The following DPP6 variants were observed in gnomAD, a reference collection of about 807,000 sequenced individuals.
The protein encoded by DPP6 is A-type potassium channel modulatory protein DPP6.
In DPP6, 69 loss-of-function variants were observed where a neutral mutation model predicts 122.6. The ratio of observed to expected loss-of-function variants is 0.56; its 90% confidence interval spans 0.46 to 0.69. DPP6 has a LOEUF of 0.69. Ranked by LOEUF, DPP6 falls within the 30% of genes least tolerant of loss-of-function variation. The pLI is 0.00. For missense variants in DPP6, 928 were observed against 1,116.9 expected (o/e 0.83, Z 2.41); for synonymous variants, 418 against 433.1 (o/e 0.97, Z 0.43).
chr7:154,375,977 C>A lies in DPP6; in HGVS notation c.244-70237C>A, dbSNP rs541182054. Reference sequence around the variant, plus strand: ...CTCGAGGGGCCCAGCTAGGTCAGTGCCAGGAGAGGCAAGGTTGGTGCATTT... The same window carrying A: ...CTCGAGGGGCCCAGCTAGGTCAGTGACAGGAGAGGCAAGGTTGGTGCATTT... On this transcript the variant is annotated intron_variant, in intron 1 of 25. Transcript: ENST00000377770. 3.3e-5 allele frequency among the ~76,000 whole-genome samples: 5 copies of A among 152,290 alleles called. No individual in the cohort carries two copies. In the East Asian group the frequency reaches 9.7e-4, roughly 29 times the overall value.
intron 1 of DPP6, among the ~76,000 whole-genome samples, chr7:154,174,993 C>T (rs1209336250): frequency 2.0e-5 from 3 of 151,986 alleles, no homozygotes; most frequent in Non-Finnish European, 4.4e-5. Flanking sequence ...TCTGCCTCAG[C>T]CTCCCGAGTA....
chr7:153,815,934 A>G, the DPP6 span, among the ~76,000 whole-genome samples: 2 of 152,360 alleles, frequency 1.3e-5, no homozygotes, highest in Middle Eastern at 6.8e-3. Flanking sequence ...GGAATGGCCA[A>G]TGTTTGTCAA....
intron 1 of DPP6, among the ~76,000 whole-genome samples, chr7:153,894,747 C>T (rs1181637780): frequency 2.6e-5 from 4 of 152,184 alleles, no homozygotes; most frequent in African/African-American, 9.7e-5. Context: ...CTTCAAAATG[C>T]AGTCTGTGCA....
chr7:154,314,191 G>A (rs1807225764), intron 1 of DPP6, among the ~76,000 whole-genome samples: 1 of 152,098 alleles, frequency 6.6e-6, no homozygotes, highest in Non-Finnish European at 1.5e-5. Context: ...GCTAGCTGAG[G>A]GATATTGGAC....
At chr7:154,240,247 C>A (rs975516579) in intron 1 of DPP6, among the ~76,000 whole-genome samples, 1 of 152,054 alleles carries the variant, frequency 6.6e-6, no homozygotes, top group South Asian at 2.1e-4. Context: ...GTAATTCTAA[C>A]CATATTTTAA....
At chr7:154,098,774 G>A (rs1247740199) in intron 1 of DPP6, among the ~76,000 whole-genome samples, 3 of 152,010 alleles carry the variant, frequency 2.0e-5, no homozygotes, top group Non-Finnish European at 2.9e-5. Context: ...CTCCATGATC[G>A]CTACTGCATT....
At chr7:154,063,683 G>T (rs1290625397) in intron 1 of DPP6, among the ~76,000 whole-genome samples, 1 of 144,316 alleles carries the variant, frequency 6.9e-6, no homozygotes, top group African/African-American at 2.6e-5. Context: ...ATCCCAGCGG[G>T]GGGAGGCACC....
chr7:153,841,771 G>A, the DPP6 span, among the ~76,000 whole-genome samples: 2 of 152,362 alleles, frequency 1.3e-5, no homozygotes, highest in African/African-American at 2.4e-5. Context: ...AAATTGGGAA[G>A]AATGCTGAAA....
Position 154,893,058 on chromosome 7 carries a change from T to C in DPP6, c.*578T>C. On this transcript the variant is annotated 3_prime_UTR_variant, in exon 26 of 26. Coordinates refer to ENST00000377770, the MANE Select transcript of DPP6 (RefSeq NM_130797.4). Reference sequence around the variant, plus strand: ...CAGAGTCTTACTGTAGCTACGCTAATGGTTAACCTGATAGAATTAACTCGT... The same window carrying C: ...CAGAGTCTTACTGTAGCTACGCTAACGGTTAACCTGATAGAATTAACTCGT... 2.3e-6 allele frequency: 1 copy of C among 441,848 alleles called. No homozygotes were observed. The highest frequency in any genetic ancestry group is 4.5e-6 in the Non-Finnish European group (1 of 221,098). The allele number at this position is 441,848 out of a possible 1,614,324, so 27.4% of individuals were successfully genotyped here. A position where few individuals can be genotyped will look rare whatever the true frequency, so the allele number is the denominator to read the frequency against.
chr7:154,275,442 T>C (rs1270563783), intron 1 of DPP6, among the ~76,000 whole-genome samples: 1 of 152,190 alleles, frequency 6.6e-6, no homozygotes, highest in Non-Finnish European at 1.5e-5. Flanking sequence ...TGGGGAGTTG[T>C]AGCCTATGGA....
intron 5 of DPP6, among the ~76,000 whole-genome samples, chr7:154,583,519 A>C (rs539876450): frequency 2.6e-5 from 4 of 151,822 alleles, no homozygotes; most frequent in Admixed American, 2.6e-4. Flanking sequence ...TTGCGCACTC[A>C]CCCTGGGCAA....
intron 1 of DPP6, among the ~76,000 whole-genome samples, chr7:153,957,572 AAGG>A (rs1219567513): frequency 6.6e-6 from 1 of 152,196 alleles, no homozygotes; most frequent in Admixed American, 6.5e-5. Context: ...TGAGGGCGAG[AAGG>A]AGGCCTGGGC....
intron 1 of DPP6, among the ~76,000 whole-genome samples, chr7:153,898,658 G>C (rs1166490295): frequency 6.6e-6 from 1 of 152,184 alleles, no homozygotes; most frequent in Non-Finnish European, 1.5e-5. Context: ...AGAGCCTTTG[G>C]GAAATGCTAG....
chr7:154,686,242 T>C (rs1246483906), intron 7 of DPP6, among the ~76,000 whole-genome samples: 28 of 152,180 alleles, frequency 1.8e-4, no homozygotes, highest in Admixed American at 1.8e-3. Context: ...TGTCCCAGCT[T>C]CTTCCTTTGG....
intron 1 of DPP6, among the ~76,000 whole-genome samples, chr7:154,414,445 T>C (rs528198964): frequency 2.0e-5 from 3 of 152,366 alleles, no homozygotes; most frequent in East Asian, 1.9e-4. Flanking sequence ...TGATCTCTTA[T>C]AGGATACAAT....
intron 1 of DPP6, among the ~76,000 whole-genome samples, chr7:154,011,360 C>T (rs2129048902): frequency 6.6e-6 from 1 of 152,274 alleles, no homozygotes; most frequent in East Asian, 1.9e-4. Flanking sequence ...TCAGGAGATG[C>T]CACTGCTTGA....
At chr7:153,804,663 G>A in the DPP6 span, among the ~76,000 whole-genome samples, 1 of 152,096 alleles carries the variant, frequency 6.6e-6, no homozygotes, top group African/African-American at 2.4e-5. Flanking sequence ...GGGAGACTGA[G>A]GTGGGTGAAT....
chr7:154,866,406 G>A (rs1195200637), intron 17 of DPP6, among the ~76,000 whole-genome samples: 1 of 152,238 alleles, frequency 6.6e-6, no homozygotes, highest in Non-Finnish European at 1.5e-5. Context: ...TGTGAAGCTG[G>A]CGCAGGGGCA....
At chr7:153,948,170 A>G (rs948715163) in intron 1 of DPP6, among the ~76,000 whole-genome samples, 2 of 152,160 alleles carry the variant, frequency 1.3e-5, no homozygotes. Flanking sequence ...TAAAATTGCC[A>G]TGATTTTTTT....
Sources: gnomAD v4.1 joint callset for allele counts (sites outside exome capture counted in the v4.1 genomes callset) on GRCh38, gnomAD v4.1.1 for gene constraint, MANE v1.5 for transcripts, NCBI Gene and HGNC (gene_info 2026-07-23, HGNC 2026-07-21) for gene names.